The following CPPED1 variants were observed in gnomAD, a reference collection of about 807,000 sequenced individuals.
The protein encoded by CPPED1 is calcineurin like phosphoesterase domain containing 1.
Under a neutral mutation model 28.0 loss-of-function variants are expected in CPPED1, and 28 were observed. The ratio of observed to expected loss-of-function variants is 1.00; its 90% CI spans 0.74 to 1.37. The LOEUF (loss-of-function observed/expected upper bound fraction) is 1.37, where lower values mean the gene tolerates loss of function less well. Among genes scored for constraint, CPPED1 ranks in the 40% most tolerant of loss-of-function variants. CPPED1 has a pLI of 0.00. For synonymous variants in CPPED1, 198 were observed against 180.2 expected (o/e 1.10, Z -0.79); for missense variants, 504 against 416.5 (o/e 1.21, Z -1.83).
chr16:12,673,222 G>A (rs999585694), intron 3 of CPPED1, among the ~76,000 whole-genome samples: 17 of 152,144 alleles, frequency 1.1e-4, no homozygotes, highest in Non-Finnish European at 2.2e-4. Flanking sequence ...ACAGACTGCA[G>A]GGGCGGTGGA....
chr16:12,740,758 T>A (rs542589779), intron 2 of CPPED1, among the ~76,000 whole-genome samples: 1 of 152,076 alleles, frequency 6.6e-6, no homozygotes, highest in African/African-American at 2.4e-5. Context: ...CCTAGCAGAG[T>A]GAACAGCAGG....
chr16:12,674,494 C>T (rs952070254), intron 3 of CPPED1, among the ~76,000 whole-genome samples: 1 of 152,088 alleles, frequency 6.6e-6, no homozygotes, highest in Non-Finnish European at 1.5e-5. Context: ...GTTCTGAACC[C>T]GAAATATTTC....
intron 2 of CPPED1, among the ~76,000 whole-genome samples, chr16:12,735,694 C>T (rs576031264): frequency 1.3e-5 from 2 of 152,356 alleles, no homozygotes; most frequent in South Asian, 4.1e-4. Context: ...AAGTTCGTCT[C>T]TGCAAAGAGC....
intron 2 of CPPED1, among the ~76,000 whole-genome samples, chr16:12,764,383 T>G (rs1477146072): frequency 1.3e-5 from 2 of 152,018 alleles, no homozygotes; most frequent in Non-Finnish European, 2.9e-5. Context: ...CTTGTATTTT[T>G]TGTAGAGAGG....
At chr16:12,776,119 CA>C (rs2080496304) in intron 2 of CPPED1, among the ~76,000 whole-genome samples, 1 of 152,052 alleles carries the variant, frequency 6.6e-6, no homozygotes, top group South Asian at 2.1e-4. Context: ...AGGATCTTTA[CA>C]AGAGGAAAGC....
intron 2 of CPPED1, among the ~76,000 whole-genome samples, chr16:12,722,490 C>A (rs2080146758): frequency 6.6e-6 from 1 of 152,228 alleles, no homozygotes; most frequent in South Asian, 2.1e-4. Flanking sequence ...GTAATCCCAG[C>A]ACTTTGGGAG....
At chr16:12,799,037 C>T (rs529551618) in intron 1 of CPPED1, among the ~76,000 whole-genome samples, 2 of 152,088 alleles carry the variant, frequency 1.3e-5, no homozygotes, top group African/African-American at 2.4e-5. Context: ...CTGTTACTCA[C>T]GTAAATCACC....
At chr16:12,735,199 T>G (rs1405651604) in intron 2 of CPPED1, among the ~76,000 whole-genome samples, 2 of 152,196 alleles carry the variant, frequency 1.3e-5, no homozygotes, top group African/African-American at 4.8e-5. Context: ...GGACCAATGA[T>G]TATTTTTGCC....
At position 12,662,560 on chromosome 16, in the gene CPPED1, A is replaced by G. The variant is rs1024494399; in HGVS notation, c.*2326T>C. The stretch of plus-strand genomic sequence containing the variant: ...CTCCTCCCACCCTTCTGAGTCTCCA[A>G]TGTTTGTTCCACACTCTATGTTCAT... On this transcript the variant is annotated 3_prime_UTR_variant, in exon 4 of 4. Coordinates refer to ENST00000381774, the MANE Select transcript of CPPED1 (RefSeq NM_018340.3). 4 of 152,096 alleles carry G rather than the reference A, an allele frequency of 2.6e-5. No homozygotes were observed. The highest frequency in any genetic ancestry group is 6.6e-5 in the Admixed American group (1 of 15,258). The allele number at this position is 152,096 out of a possible 1,614,324, so 9.4% of individuals were successfully genotyped here. A position where few individuals can be genotyped will look rare whatever the true frequency, so the allele number is the denominator to read the frequency against.
At chr16:12,774,631 C>T (rs1185826979) in intron 2 of CPPED1, among the ~76,000 whole-genome samples, 1 of 152,168 alleles carries the variant, frequency 6.6e-6, no homozygotes, top group Non-Finnish European at 1.5e-5. Context: ...ATATTTGTGT[C>T]CTCCAAAACT....
At chr16:12,679,132 G>A (rs1353150174) in intron 3 of CPPED1, among the ~76,000 whole-genome samples, 1 of 152,154 alleles carries the variant, frequency 6.6e-6, no homozygotes, top group African/African-American at 2.4e-5. Flanking sequence ...AACTCCTCAG[G>A]AGGACCTAAA....
At chr16:12,671,688 C>T (rs774676814) in intron 3 of CPPED1, among the ~76,000 whole-genome samples, 43 of 152,270 alleles carry the variant, frequency 2.8e-4, no homozygotes, top group African/African-American at 7.0e-4. Flanking sequence ...CAATGATGAA[C>T]GCCATATATG....
Position 12,665,004 on chromosome 16 carries a change from T to C in CPPED1, c.827A>G (p.His276Arg). ...GGTGACCACCACGACTCGGAGCCCG[T>C]GGGGGTCTCTGCCCAGCTGGCATCC... ...AIGCQLGRDP[H>R]GLRVVVVTAE... Residue 276 changes from histidine to arginine, a missense_variant, in exon 4 of 4, where the codon CAC becomes CGC. Coordinates refer to ENST00000381774, the MANE Select transcript of CPPED1 (RefSeq NM_018340.3). The C allele has an allele frequency of 6.2e-7, 1 of 1,611,796 alleles. No homozygotes were observed. Among genetic ancestry groups the C allele is most frequent in the Non-Finnish European group, 8.5e-7 (1 of 1,179,258 alleles).
At chr16:12,770,034 C>T (rs962222469) in intron 2 of CPPED1, among the ~76,000 whole-genome samples, 3 of 152,060 alleles carry the variant, frequency 2.0e-5, no homozygotes, top group Non-Finnish European at 2.9e-5. Flanking sequence ...ATGAACAAAA[C>T]GGTTTCTGTT....
chr16:12,757,901 A>G lies in CPPED1; in HGVS notation c.289+23284T>C, dbSNP rs2080381806. The G allele has an allele frequency of 2.0e-5, 3 of 151,620 alleles. No individual in the cohort carries two copies. In the South Asian group the frequency reaches 6.3e-4, roughly 32 times the overall value. 9.4% of individuals were successfully genotyped at this position (151,620 alleles called of 1,614,324 possible). A position where few individuals can be genotyped will look rare whatever the true frequency, so the allele number is the denominator to read the frequency against. On this transcript the variant is annotated intron_variant, in intron 2 of 3. Transcript: ENST00000381774. ...AGCTACAGCTGCTCTAAAACAGAGC[A>G]AAATATATGGCAACAAAAGGAAGAA...
intron 1 of CPPED1, among the ~76,000 whole-genome samples, chr16:12,798,822 G>C (rs908430685): frequency 6.6e-6 from 1 of 152,228 alleles, no homozygotes; most frequent in Non-Finnish European, 1.5e-5. Context: ...ATTAGGATAT[G>C]TGTCAAGAAA....
At chr16:12,798,974 T>C (rs541204786) in intron 1 of CPPED1, among the ~76,000 whole-genome samples, 8 of 152,290 alleles carry the variant, frequency 5.3e-5, no homozygotes, top group African/African-American at 1.4e-4. Context: ...AGGGAACGGA[T>C]GACTGAAACC....
At chr16:12,754,180 C>T (rs763365552) in intron 2 of CPPED1, among the ~76,000 whole-genome samples, 23 of 152,120 alleles carry the variant, frequency 1.5e-4, no homozygotes, top group South Asian at 2.1e-4. Context: ...GCTTTTGAAC[C>T]CACCCATTTG....
chr16:12,667,546 G>A (rs980202568), intron 3 of CPPED1, among the ~76,000 whole-genome samples: 2 of 152,172 alleles, frequency 1.3e-5, no homozygotes, highest in African/African-American at 4.8e-5. Context: ...TTGATGCCAG[G>A]AGTATGAGAT....
Sources: allele counts gnomAD v4.1 joint callset (sites outside exome capture counted in the v4.1 genomes callset), GRCh38; gene constraint gnomAD v4.1.1; transcripts MANE v1.5; gene names NCBI Gene and HGNC (gene_info 2026-07-23, HGNC 2026-07-21).